The following AKR1C3 variants were observed in gnomAD, a reference collection of about 807,000 sequenced individuals.
AKR1C3 encodes the protein aldo-keto reductase family 1 member C3.
Under a neutral mutation model 43.6 loss-of-function variants are expected in AKR1C3, and 48 were observed. That is an observed-to-expected ratio of 1.10 (90% confidence interval 0.87 to 1.40). AKR1C3 has a LOEUF of 1.40. AKR1C3 is among the 40% of genes most tolerant of loss of function. AKR1C3 has a pLI of 0.00. For missense variants in AKR1C3, 482 were observed against 391.2 expected (o/e 1.23, Z -1.96); for synonymous variants, 162 against 139.6 (o/e 1.16, Z -1.13).
chr10:5,097,905 C>T, intron 3 of AKR1C3: 2 of 1,083,504 alleles, frequency 1.8e-6, no homozygotes, highest in Non-Finnish European at 2.2e-6. Flanking sequence ...AACTGCTGCA[C>T]ATGTGATGCA....
intron 1 of AKR1C3, among the ~76,000 whole-genome samples, chr10:5,053,257 G>A (rs1458595753): frequency 1.3e-5 from 2 of 152,236 alleles, no homozygotes; most frequent in South Asian, 2.1e-4. Context: ...AGAGGCTCAG[G>A]CATGGTGGGC....
intron 1 of AKR1C3, among the ~76,000 whole-genome samples, chr10:5,057,954 C>A (rs556237510): frequency 4.8e-4 from 73 of 152,308 alleles, no homozygotes; most frequent in Middle Eastern, 3.4e-3. Flanking sequence ...CTATCAGGAT[C>A]ATCTGAAAAC....
Position 5,085,911 on chromosome 10 carries a change from C to G in AKR1C3, c.85-10499C>G, listed in dbSNP as rs1242868391. Among the ~76,000 whole-genome samples, 4 of 151,816 alleles carry G rather than the reference C, an allele frequency of 2.6e-5. 1 individual carries two copies. Among genetic ancestry groups the G allele is most frequent in the African/African-American group, 9.7e-5 (4 of 41,142 alleles). ...ATGGTAGTTTGTATTTCTGAGGGAT[C>G]GGTGGTGATATCCCCTTTATCATTT... is the stretch of plus-strand genomic sequence containing the variant. On this transcript the variant is annotated intron_variant, in intron 1 of 8. Coordinates refer to the AKR1C3 transcript ENST00000439082.
At chr10:5,099,642 G>T in intron 5 of AKR1C3, 193 bp downstream of exon 5, 1 of 1,014,630 alleles carries the variant, frequency 9.9e-7, no homozygotes, top group Non-Finnish European at 1.4e-6. Flanking sequence ...GGAAAAATTG[G>T]AATGAGTTTA....
In AKR1C3 at chr10:5,102,266, G is replaced by A; in HGVS notation, c.680+56G>A. 3.8e-6 allele frequency: 6 copies of A among 1,583,964 alleles called. No individual in the cohort carries two copies. The Admixed American group carries it at 8.5e-5, about 23-fold the overall frequency. ...CCTTCATTTTGCAGAAAATTTTTTA[G>A]TCAGAGCATCCTCAGTTTCCTGTAG... On this transcript the variant is annotated intron_variant, in intron 6 of 8. Coordinates refer to ENST00000380554, the MANE Select transcript of AKR1C3 (RefSeq NM_003739.6).
At chr10:5,102,353 A>T (rs1839377415) in intron 6 of AKR1C3, 132 bp from the exon 7 acceptor site, 5 of 1,597,888 alleles carry the variant, frequency 3.1e-6, no homozygotes, top group Non-Finnish European at 4.3e-6. Context: ...ATCTTGGATG[A>T]TGCTGATGGT....
At chr10:5,067,355 T>G (rs1838528448) in intron 1 of AKR1C3, among the ~76,000 whole-genome samples, 1 of 152,150 alleles carries the variant, frequency 6.6e-6, no homozygotes, top group Non-Finnish European at 1.5e-5. Context: ...TTGGGAGAAA[T>G]TTCCCTGGTT....
At chr10:5,062,038 C>T (rs1274897148) in intron 1 of AKR1C3, among the ~76,000 whole-genome samples, 7 of 152,316 alleles carry the variant, frequency 4.6e-5, no homozygotes, top group East Asian at 1.9e-4. Flanking sequence ...CTTACAAAGA[C>T]ATGTAATTCT....
Position 5,056,867 on chromosome 10 carries a change from T to A in AKR1C3, c.84+7972T>A, listed in dbSNP as rs115160702. Among the ~76,000 whole-genome samples, 1,192 of 152,254 alleles carry A rather than the reference T, an allele frequency of 7.8e-3. 19 individuals carry two copies. Among genetic ancestry groups the A allele is most frequent in the African/African-American group, 0.027 (1,133 of 41,532 alleles). ...ATTACAACTGAGGAGGTGAGAGAAATACCTGGTGCCAGGCTGTCCCAGGAT... is the reference window on the plus strand; with the variant it reads ...ATTACAACTGAGGAGGTGAGAGAAAAACCTGGTGCCAGGCTGTCCCAGGAT... On this transcript the variant is annotated intron_variant, in intron 1 of 8. Coordinates refer to the AKR1C3 transcript ENST00000439082.
chr10:5,107,551 G>T lies in AKR1C3; in HGVS notation c.*48G>T. On this transcript the variant is annotated 3_prime_UTR_variant, in exon 9 of 9. Transcript: ENST00000380554. ...CTACCAGAAGCCCTGTGTGTGGATG[G>T]TGACGCAGAGGACGTCTCTATGCCG... is the stretch of plus-strand genomic sequence containing the variant. 1 of 1,450,068 alleles carries T rather than the reference G, an allele frequency of 6.9e-7. No individual in the cohort carries two copies. The highest frequency in any genetic ancestry group is 9.7e-7 in the Non-Finnish European group (1 of 1,035,484). The allele number at this position is 1,450,068 out of a possible 1,614,324, so 89.8% of individuals were successfully genotyped here.
At chr10:5,050,018 G>T (rs1838120281) in intron 1 of AKR1C3, among the ~76,000 whole-genome samples, 1 of 132,046 alleles carries the variant, frequency 7.6e-6, no homozygotes, top group Non-Finnish European at 1.6e-5. Context: ...TACTGCCCAT[G>T]TGGCCGCATT....
intron 7 of AKR1C3, among the ~76,000 whole-genome samples, chr10:5,104,726 ATGGCCTTTTAATATAT>A (rs1554786801): frequency 6.6e-6 from 1 of 152,110 alleles, no homozygotes; most frequent in African/African-American, 2.4e-5. Flanking sequence ...AACTATTTAA[ATGGCCTTTTAATATAT>A]ATATCATTAA....
intron 1 of AKR1C3, among the ~76,000 whole-genome samples, chr10:5,061,015 G>A (rs12776432): frequency 0.076 from 11,570 of 152,216 alleles, 614 homozygotes; most frequent in Non-Finnish European, 0.11. Context: ...GTTCCCTCCC[G>A]TGCCTCTCCC....
chr10:5,096,261 C>A, intron 1 of AKR1C3, 149 bp from the exon 2 acceptor site: 1 of 925,692 alleles, frequency 1.1e-6, no homozygotes, highest in Non-Finnish European at 1.6e-6. Flanking sequence ...TATTACTAAC[C>A]AGGAAAGACT....
intron 7 of AKR1C3, among the ~76,000 whole-genome samples, chr10:5,104,221 T>G (rs1554786667): frequency 6.6e-6 from 1 of 152,198 alleles, no homozygotes; most frequent in Non-Finnish European, 1.5e-5. Flanking sequence ...TCTTGCAAAA[T>G]TGGTAATTCT....
In AKR1C3 at chr10:5,102,154, G is replaced by C; in HGVS notation, c.624G>C (p.Ser208=). ...GTAAATTGCTAGATTTCTGCAAGTCGAAAGATATTGTTCTGGTTGCCTATA... is the reference window on the plus strand; with the variant it reads ...GTAAATTGCTAGATTTCTGCAAGTCCAAAGATATTGTTCTGGTTGCCTATA... ...NRSKLLDFCK[S]KDIVLVAYSA... The change falls in exon 6 of 9, where the codon TCG becomes TCC. Residue 208 remains serine, a synonymous_variant. Coordinates refer to ENST00000380554, the MANE Select transcript of AKR1C3 (RefSeq NM_003739.6). The C allele has an allele frequency of 6.2e-7, 1 of 1,614,030 alleles. No homozygotes were observed. The highest frequency in any genetic ancestry group is 1.1e-5 in the South Asian group (1 of 91,068).
At chr10:5,062,460 C>T (rs1301441390) in intron 1 of AKR1C3, among the ~76,000 whole-genome samples, 1 of 152,168 alleles carries the variant, frequency 6.6e-6, no homozygotes, top group African/African-American at 2.4e-5. Context: ...GAGCTTTTCC[C>T]TCCAAACTCC....
At chr10:5,087,800 A>G (rs1377028926) in intron 1 of AKR1C3, among the ~76,000 whole-genome samples, 2 of 149,586 alleles carry the variant, frequency 1.3e-5, no homozygotes, top group South Asian at 2.1e-4. Flanking sequence ...CTTTATACCT[A>G]TTTTTTTTCT....
intron 1 of AKR1C3, among the ~76,000 whole-genome samples, chr10:5,056,483 G>T (rs758010032): frequency 1.5e-4 from 23 of 152,188 alleles, no homozygotes; most frequent in Admixed American, 3.9e-4. Flanking sequence ...TAGAATTGGG[G>T]TGTTGCAGGG....
Sources: allele counts gnomAD v4.1 joint callset (sites outside exome capture counted in the v4.1 genomes callset), GRCh38; gene constraint gnomAD v4.1.1; transcripts MANE v1.5; gene names NCBI Gene and HGNC (gene_info 2026-07-23, HGNC 2026-07-21).